The following ATP2B1 variants were observed in gnomAD, a reference collection of about 807,000 sequenced individuals.
ATP2B1 encodes plasma membrane calcium-transporting ATPase 1.
In ATP2B1, 14 loss-of-function variants were observed where a neutral mutation model predicts 124.2. That is an observed-to-expected ratio of 0.11 (90% CI 0.07 to 0.18). The LOEUF (loss-of-function observed/expected upper bound fraction) is 0.18, where lower values mean the gene tolerates loss of function less well. ATP2B1 is among the 10% of genes least tolerant of loss of function. The pLI, the probability that ATP2B1 is intolerant of heterozygous loss-of-function variation, is 1.00. For missense variants in ATP2B1, 763 were observed against 1,466.1 expected (o/e 0.52, Z 7.83); for synonymous variants, 449 against 492.4 (o/e 0.91, Z 1.17).
At chr12:89,686,180 C>T (rs1889952862) in intron 1 of ATP2B1, among the ~76,000 whole-genome samples, 1 of 152,054 alleles carries the variant, frequency 6.6e-6, no homozygotes, top group Admixed American at 6.6e-5. Flanking sequence ...AGCATGTGTT[C>T]TTCAAGGCAA....
chr12:89,677,197 T>C (rs909239830), intron 1 of ATP2B1, among the ~76,000 whole-genome samples: 1 of 152,158 alleles, frequency 6.6e-6, no homozygotes, highest in African/African-American at 2.4e-5. Flanking sequence ...ACAGACCCTG[T>C]AGGATATTAA....
At chr12:89,699,441 A>G (rs574898788) in intron 1 of ATP2B1, among the ~76,000 whole-genome samples, 1 of 152,366 alleles carries the variant, frequency 6.6e-6, no homozygotes, top group African/African-American at 2.4e-5. Context: ...AAAGTAGTTA[A>G]AAGACAAAAT....
intron 18 of ATP2B1, among the ~76,000 whole-genome samples, chr12:89,602,404 A>T (rs1876029913): frequency 6.6e-6 from 1 of 152,250 alleles, no homozygotes; most frequent in Non-Finnish European, 1.5e-5. Flanking sequence ...GGTAGTTAAC[A>T]TTTTAAAACC....
intron 20 of ATP2B1, chr12:89,598,504 A>G (rs1875137951): frequency 7.1e-7 from 1 of 1,407,068 alleles, no homozygotes; most frequent in South Asian, 1.5e-5. Flanking sequence ...CTGAACAATG[A>G]ATTCAAACAT....
chr12:89,609,553 A>G (rs1051463069), intron 15 of ATP2B1, among the ~76,000 whole-genome samples: 1 of 152,214 alleles, frequency 6.6e-6, no homozygotes, highest in Non-Finnish European at 1.5e-5. Flanking sequence ...ACTGAAGAGT[A>G]ACTGAGTAGA....
At chr12:89,677,441 T>C (rs551825721) in intron 1 of ATP2B1, among the ~76,000 whole-genome samples, 5 of 152,264 alleles carry the variant, frequency 3.3e-5, no homozygotes, top group Admixed American at 2.0e-4. Context: ...AATTCACTAA[T>C]GGCAATATCT....
chr12:89,612,038 G>A (rs1286950906), intron 12 of ATP2B1: 1 of 152,144 alleles, frequency 6.6e-6, no homozygotes, highest in Non-Finnish European at 1.5e-5. Context: ...AAGCCAGTAA[G>A]TCCTGTGGAT....
intron 3 of ATP2B1, among the ~76,000 whole-genome samples, chr12:89,636,570 A>G (rs935572985): frequency 1.3e-5 from 2 of 152,212 alleles, no homozygotes; most frequent in Non-Finnish European, 2.9e-5. Context: ...AGAAGAAAAG[A>G]ATGAGTAAAT....
intron 1 of ATP2B1, among the ~76,000 whole-genome samples, chr12:89,670,228 G>C (rs1887773618): frequency 6.6e-6 from 1 of 152,084 alleles, no homozygotes; most frequent in Non-Finnish European, 1.5e-5. Flanking sequence ...GGAGGGGAAA[G>C]GAGCTAATCT....
chr12:89,681,906 C>T (rs981782934), intron 1 of ATP2B1, among the ~76,000 whole-genome samples: 12 of 151,866 alleles, frequency 7.9e-5, no homozygotes, highest in South Asian at 4.1e-4. Flanking sequence ...CTAAAGATAC[C>T]AGTGAAGAAT....
chr12:89,644,524 T>C (rs559232008), intron 2 of ATP2B1, among the ~76,000 whole-genome samples: 1 of 151,860 alleles, frequency 6.6e-6, no homozygotes, highest in African/African-American at 2.4e-5. Flanking sequence ...GTATTTTAGA[T>C]TTCTCAGTTG....
intron 18 of ATP2B1, among the ~76,000 whole-genome samples, chr12:89,601,905 A>G (rs1221491330): frequency 6.6e-6 from 1 of 152,206 alleles, no homozygotes; most frequent in Non-Finnish European, 1.5e-5. Flanking sequence ...AATTCCACAT[A>G]GCTGTTTATT....
At chr12:89,680,633 G>T (rs1198254153) in intron 1 of ATP2B1, among the ~76,000 whole-genome samples, 1 of 152,082 alleles carries the variant, frequency 6.6e-6, no homozygotes. Flanking sequence ...TGTATAACTG[G>T]AGTCTTTTCA....
intron 8 of ATP2B1, among the ~76,000 whole-genome samples, chr12:89,624,829 A>G (rs1005060168): frequency 2.0e-5 from 3 of 152,248 alleles, no homozygotes; most frequent in African/African-American, 7.2e-5. Flanking sequence ...TGTTTTAAAA[A>G]AATAACATTA....
chr12:89,704,741 T>C (rs1054561160), intron 1 of ATP2B1, among the ~76,000 whole-genome samples: 3 of 152,152 alleles, frequency 2.0e-5, no homozygotes, highest in African/African-American at 7.2e-5. Flanking sequence ...TTAATAATAA[T>C]ACCTGTGATT....
intron 20 of ATP2B1, chr12:89,598,767 C>A (rs1398084549): frequency 6.2e-7 from 1 of 1,612,948 alleles, no homozygotes; most frequent in Non-Finnish European, 8.5e-7. Context: ...GAGATTGTGA[C>A]AGCTTGCTCA....
intron 1 of ATP2B1, among the ~76,000 whole-genome samples, chr12:89,669,751 A>G (rs555682858): frequency 2.6e-5 from 4 of 152,206 alleles, no homozygotes; most frequent in Non-Finnish European, 4.4e-5. Flanking sequence ...TGTCTCTAAT[A>G]AACTCTCCTA....
intron 20 of ATP2B1, among the ~76,000 whole-genome samples, 186 bp downstream of exon 20, chr12:89,598,931 G>C (rs1307653286): frequency 6.6e-6 from 1 of 152,168 alleles, no homozygotes; most frequent in Admixed American, 6.5e-5. Flanking sequence ...GGGGCATATA[G>C]ACACATTCTT....
Position 89,642,281 on chromosome 12 carries a change from G to A in ATP2B1, c.283C>T (p.Pro95Ser), listed in dbSNP as rs751408558. 1.9e-6 allele frequency: 3 copies of A among 1,613,602 alleles called. No individual in the cohort carries two copies. The highest frequency in any genetic ancestry group is 2.5e-6 in the Non-Finnish European group (3 of 1,179,846). ...CATACTAATTGAAGAAAGGTTTTTGGCTTTTTAGGAGGTATAAAATTCTTT... is the reference window on the plus strand; with the variant it reads ...CATACTAATTGAAGAAAGGTTTTTGACTTTTTAGGAGGTATAAAATTCTTT... Reference protein sequence around the residue: ...FGKNFIPPKKPKTFLQLVWEA... With the variant: ...FGKNFIPPKKSKTFLQLVWEA... The change falls in exon 3 of 21, where the codon CCA becomes TCA. Residue 95 changes from proline (P) to serine (S), a missense_variant. Physicochemically the swap from Pro to Ser is moderately conservative, Grantham distance 74 (BLOSUM62 -1). Around this residue, in one of 7 missense-constraint regions of ATP2B1, gnomAD observed 93 missense variants for 112.7 expected, o/e 0.83. Coordinates refer to ENST00000428670, the MANE Select transcript of ATP2B1 (RefSeq NM_001366521.1).
Sources: allele counts gnomAD v4.1 joint callset (sites outside exome capture counted in the v4.1 genomes callset), GRCh38; gene constraint gnomAD v4.1.1; regional missense constraint gnomAD v4.1.1; transcripts MANE v1.5; gene names NCBI Gene and HGNC (gene_info 2026-07-23, HGNC 2026-07-21).